CNTN4: variants seen among roughly 807,000 people sequenced by gnomAD.
CNTN4 encodes the protein contactin-4.
CNTN4 carries 77 observed loss-of-function variants against 122.5 expected under a neutral mutation model. That is an observed-to-expected ratio of 0.63 (90% confidence interval 0.52 to 0.76). The LOEUF is 0.76. Among genes scored for constraint, CNTN4 ranks in the 30% least tolerant of loss-of-function variants. The probability of loss-of-function intolerance (pLI) is 0.00; values close to 1 mark genes in which losing one functional copy is unlikely to be tolerated. For missense variants in CNTN4, 1,256 were observed against 1,259.1 expected (o/e 1.00, Z 0.04); for synonymous variants, 512 against 447.0 (o/e 1.15, Z -1.83).
intron 2 of CNTN4, among the ~76,000 whole-genome samples, chr3:2,150,711 A>T (rs1455761909): frequency 6.6e-6 from 1 of 152,228 alleles, no homozygotes; most frequent in African/African-American, 2.4e-5. Context: ...TTACTCTTAA[A>T]GTCATTCTCA....
chr3:3,005,537 G>A (rs868087087), intron 14 of CNTN4, among the ~76,000 whole-genome samples: 4 of 152,146 alleles, frequency 2.6e-5, no homozygotes, highest in South Asian at 2.1e-4. Context: ...CCCCGTTTCC[G>A]CAGCGTAAGC....
At chr3:2,368,760 A>G (rs866225083) in intron 3 of CNTN4, among the ~76,000 whole-genome samples, 3 of 152,190 alleles carry the variant, frequency 2.0e-5, no homozygotes, top group African/African-American at 7.2e-5. Flanking sequence ...GGTTATGACT[A>G]CAAAGCAAGA....
chr3:2,326,573 T>C (rs1207078149), intron 2 of CNTN4, among the ~76,000 whole-genome samples: 1 of 151,858 alleles, frequency 6.6e-6, no homozygotes. Context: ...TACAGGAGAT[T>C]ACACAAACTG....
chr3:3,024,165 T>G (rs1290488613), intron 14 of CNTN4, among the ~76,000 whole-genome samples: 1 of 152,064 alleles, frequency 6.6e-6, no homozygotes, highest in African/African-American at 2.4e-5. Flanking sequence ...AAATCTAAAT[T>G]GCAGAATCAG....
chr3:2,628,744 C>T (rs2082302689), intron 4 of CNTN4, among the ~76,000 whole-genome samples: 1 of 152,184 alleles, frequency 6.6e-6, no homozygotes, highest in Non-Finnish European at 1.5e-5. Context: ...ACAGTGGTAA[C>T]TGCCATACTG....
chr3:3,044,367 G>T (rs1032004760), intron 23 of CNTN4, among the ~76,000 whole-genome samples: 7 of 152,192 alleles, frequency 4.6e-5, no homozygotes, highest in African/African-American at 1.4e-4. Context: ...TTTGCAATGT[G>T]GATAGGGCCA....
At chr3:2,747,289 G>A (rs1287209007) in intron 6 of CNTN4, among the ~76,000 whole-genome samples, 1 of 151,288 alleles carries the variant, frequency 6.6e-6, no homozygotes, top group East Asian at 1.9e-4. Flanking sequence ...GGTGCCTGTA[G>A]TCCCAGCTGC....
At chr3:2,269,222 A>G (rs777629692) in intron 2 of CNTN4, among the ~76,000 whole-genome samples, 6 of 152,126 alleles carry the variant, frequency 3.9e-5, no homozygotes, top group Non-Finnish European at 7.4e-5. Flanking sequence ...TGTTTAATCA[A>G]TGGTTAGTTT....
intron 2 of CNTN4, among the ~76,000 whole-genome samples, chr3:2,254,545 G>A (rs150519766): frequency 2.5e-4 from 38 of 151,166 alleles, no homozygotes; most frequent in African/African-American, 7.7e-4. Context: ...CATCCTCTCC[G>A]GCATTTGTTG....
intron 4 of CNTN4, among the ~76,000 whole-genome samples, chr3:2,647,069 A>T (rs979813915): frequency 6.6e-6 from 1 of 152,140 alleles, no homozygotes; most frequent in Non-Finnish European, 1.5e-5. Context: ...ATGTAAGCAT[A>T]TCTGTGTACT....
intron 3 of CNTN4, among the ~76,000 whole-genome samples, chr3:2,524,516 C>G (rs1187272990): frequency 6.6e-6 from 1 of 151,864 alleles, no homozygotes; most frequent in Non-Finnish European, 1.5e-5. Flanking sequence ...AAGATTTTAA[C>G]CAATATGTTT....
chr3:2,456,848 C>G (rs2049024300), intron 3 of CNTN4, among the ~76,000 whole-genome samples: 1 of 152,050 alleles, frequency 6.6e-6, no homozygotes, highest in African/African-American at 2.4e-5. Context: ...CAAGTATTTG[C>G]TTGAGGAACT....
chr3:2,510,859 T>C (rs1559620583), intron 3 of CNTN4, among the ~76,000 whole-genome samples: 2 of 152,144 alleles, frequency 1.3e-5, no homozygotes, highest in East Asian at 1.9e-4. Context: ...CTTACAGTTA[T>C]GCAAATGGAA....
At chr3:2,203,536 G>A (rs1159417251) in intron 2 of CNTN4, among the ~76,000 whole-genome samples, 1 of 152,004 alleles carries the variant, frequency 6.6e-6, no homozygotes, top group East Asian at 1.9e-4. Flanking sequence ...CTTTGGCCAA[G>A]GTACAACAGT....
intron 3 of CNTN4, among the ~76,000 whole-genome samples, chr3:2,411,928 G>T (rs1223232197): frequency 6.6e-6 from 1 of 152,110 alleles, no homozygotes; most frequent in Admixed American, 6.5e-5. Flanking sequence ...GATCAAGATA[G>T]AGAATATTTC....
chr3:2,405,008 C>T (rs2046983500), intron 3 of CNTN4, among the ~76,000 whole-genome samples: 1 of 152,164 alleles, frequency 6.6e-6, no homozygotes, highest in Non-Finnish European at 1.5e-5. Flanking sequence ...TATCAGAGTT[C>T]TTCTCAGTGT....
intron 4 of CNTN4, among the ~76,000 whole-genome samples, chr3:2,685,650 T>C (rs1313773501): frequency 6.6e-6 from 1 of 152,172 alleles, no homozygotes; most frequent in Admixed American, 6.5e-5. Flanking sequence ...CTTTTTGTTT[T>C]TTGAGTTGTG....
chr3:2,142,882 T>A (rs1255439283), intron 2 of CNTN4, among the ~76,000 whole-genome samples: 1 of 152,194 alleles, frequency 6.6e-6, no homozygotes, highest in East Asian at 1.9e-4. Flanking sequence ...CTTTCAAAGA[T>A]TGTAAATAGG....
chr3:2,191,255 CTT>C (rs35365255), intron 2 of CNTN4, among the ~76,000 whole-genome samples: 46 of 143,716 alleles, frequency 3.2e-4, no homozygotes, highest in Middle Eastern at 3.6e-3. Flanking sequence ...TTTAATGTGG[CTT>C]TTTTTTTTTT....
Sources: gnomAD v4.1 joint callset for allele counts (sites outside exome capture counted in the v4.1 genomes callset) on GRCh38, gnomAD v4.1.1 for gene constraint, MANE v1.5 for transcripts, NCBI Gene and HGNC (gene_info 2026-07-23, HGNC 2026-07-21) for gene names.